The following CELF2 variants were observed in gnomAD, a reference collection of about 807,000 sequenced individuals.
CELF2 encodes the protein CUG triplet repeat RNA-binding protein 2.
Under a neutral mutation model 62.6 loss-of-function variants are expected in CELF2, and 8 were observed. That is an observed-to-expected ratio of 0.13 (90% CI 0.07 to 0.23). The LOEUF is 0.23. Among genes scored for constraint, CELF2 ranks in the 10% least tolerant of loss-of-function variants. The pLI is 1.00. For synonymous variants in CELF2, 258 were observed against 250.0 expected (o/e 1.03, Z -0.30); for missense variants, 333 against 671.0 (o/e 0.50, Z 5.56).
At chr10:10,721,441 A>G in the CELF2 span, among the ~76,000 whole-genome samples, 8 of 152,210 alleles carry the variant, frequency 5.3e-5, no homozygotes, top group African/African-American at 1.7e-4. Flanking sequence ...CAAAGCTACT[A>G]TTTGTTCTCT....
At position 11,270,701 on chromosome 10, in the gene CELF2, C is replaced by A; in HGVS notation, c.654C>A (p.Asp218Glu). 6.5e-7 allele frequency: 1 copy of A among 1,547,998 alleles called. No homozygotes were observed. The highest frequency in any genetic ancestry group is 1.2e-5 in the South Asian group (1 of 82,648). ...CACCTATCGTGGTGAAGTTTGCTGA[C>A]ACTCAGAAGGACAAAGAGCAAAGGC... is the stretch of plus-strand genomic sequence containing the variant. ...CSSPIVVKFA[D>E]TQKDKEQRRL... is the part of the protein sequence containing the mutation. The change falls in exon 7 of 13, where the codon GAC becomes GAA. Residue 218 changes from aspartate to glutamate, a missense_variant. Asp to Glu is a conservative substitution (Grantham distance 45). This residue lies in a region of CELF2 where 253 missense variants were observed against 503.0 expected (regional missense o/e 0.50). Coordinates refer to ENST00000633077, the MANE Select transcript of CELF2 (RefSeq NM_001326342.2). This position sits in a 1 kb window ranked among gnomAD's most constrained non-coding sequence, Gnocchi z 5.8.
chr10:11,045,120 G>T (rs573379411), intron 1 of CELF2, among the ~76,000 whole-genome samples: 7 of 152,264 alleles, frequency 4.6e-5, no homozygotes, highest in African/African-American at 1.7e-4. Context: ...CTTGTGTTCC[G>T]CAGTCAGGAT....
At chr10:10,801,526 G>C (rs1027749522) in intron 1 of CELF2, among the ~76,000 whole-genome samples, 2 of 152,148 alleles carry the variant, frequency 1.3e-5, no homozygotes, top group Admixed American at 6.5e-5. Context: ...CACATAGCAC[G>C]GTTGTTAGCA....
At chr10:11,081,655 GAT>G (rs1282147483) in intron 1 of CELF2, among the ~76,000 whole-genome samples, 6 of 152,226 alleles carry the variant, frequency 3.9e-5, no homozygotes, top group Non-Finnish European at 8.8e-5. Context: ...TCTCATGGGA[GAT>G]GGATTTAGAA....
chr10:10,566,571 C>T, the CELF2 span, among the ~76,000 whole-genome samples: 1 of 134,482 alleles, frequency 7.4e-6, no homozygotes, highest in Non-Finnish European at 1.6e-5. Context: ...CTCCCCCCTC[C>T]CCCGACCCCA....
the CELF2 span, among the ~76,000 whole-genome samples, chr10:10,490,851 G>A: frequency 6.6e-6 from 1 of 152,084 alleles, no homozygotes; most frequent in South Asian, 2.1e-4. Context: ...GGCTACTTGG[G>A]ATTAAAGACA....
intron 1 of CELF2, among the ~76,000 whole-genome samples, chr10:11,134,872 C>A (rs1747720): frequency 6.6e-6 from 1 of 152,066 alleles, no homozygotes; most frequent in Non-Finnish European, 1.5e-5. Context: ...ACGTGTCTAT[C>A]TTTCTGATTG....
At chr10:10,729,167 G>C in the CELF2 span, among the ~76,000 whole-genome samples, 1 of 152,184 alleles carries the variant, frequency 6.6e-6, no homozygotes, top group Admixed American at 6.5e-5. Flanking sequence ...GAGAGGACCA[G>C]ATAAAAATAC....
chr10:11,014,854 G>C (rs1436954773), upstream of CELF2, among the ~76,000 whole-genome samples: 1 of 152,168 alleles, frequency 6.6e-6, no homozygotes, highest in East Asian at 1.9e-4. Flanking sequence ...AAAAAAAGGA[G>C]ACAATTAGGG....
chr10:11,060,115 T>G (rs1350795519), intron 1 of CELF2, among the ~76,000 whole-genome samples: 1 of 152,194 alleles, frequency 6.6e-6, no homozygotes, highest in East Asian at 1.9e-4. Context: ...TTACAGTATT[T>G]GAAGAGTTGA....
At chr10:11,181,133 G>C (rs955170421) in intron 2 of CELF2, among the ~76,000 whole-genome samples, 32 of 152,300 alleles carry the variant, frequency 2.1e-4, no homozygotes, top group African/African-American at 7.5e-4. Flanking sequence ...GCCTCCCAAA[G>C]TGCTGGGATT....
At chr10:11,204,059 G>A (rs1328113368) in intron 2 of CELF2, among the ~76,000 whole-genome samples, 1 of 152,156 alleles carries the variant, frequency 6.6e-6, no homozygotes, top group Non-Finnish European at 1.5e-5. Context: ...TTCTTCTTTT[G>A]TCCCAGAATC....
At chr10:10,794,237 G>C (rs114941014), upstream of CELF2, among the ~76,000 whole-genome samples, 378 of 152,202 alleles carry the variant, frequency 2.5e-3, 2 homozygotes, top group African/African-American at 8.8e-3. Context: ...ACGTTAACAA[G>C]ATCGGGAAAT....
At chr10:10,688,183 C>G in the CELF2 span, among the ~76,000 whole-genome samples, 1 of 152,302 alleles carries the variant, frequency 6.6e-6, no homozygotes, top group Admixed American at 6.5e-5. Context: ...AGCCGATGGA[C>G]TAAGTTCTGT....
chr10:11,079,915 G>A (rs1401897355), intron 1 of CELF2, among the ~76,000 whole-genome samples: 3 of 152,166 alleles, frequency 2.0e-5, no homozygotes, highest in Non-Finnish European at 4.4e-5. Context: ...TGTACTGCAA[G>A]ATGACTTTGG....
intron 2 of CELF2, among the ~76,000 whole-genome samples, chr10:10,971,378 AT>A (rs1291428937): frequency 6.6e-6 from 1 of 151,926 alleles, no homozygotes; most frequent in African/African-American, 2.4e-5. Flanking sequence ...CACCTTATAC[AT>A]TTTTGGCTCT....
At chr10:10,736,030 A>T in the CELF2 span, among the ~76,000 whole-genome samples, 1 of 152,214 alleles carries the variant, frequency 6.6e-6, no homozygotes, top group Admixed American at 6.5e-5. Context: ...AATGGATTTA[A>T]TTCTTCCCAT....
At chr10:10,902,387 T>C (rs971152213) in intron 1 of CELF2, among the ~76,000 whole-genome samples, 2 of 152,232 alleles carry the variant, frequency 1.3e-5, no homozygotes, top group Non-Finnish European at 2.9e-5. Flanking sequence ...CATGGTCTAC[T>C]CATACAATTG....
chr10:11,236,098 A>C (rs1289551354), intron 3 of CELF2, among the ~76,000 whole-genome samples: 1 of 152,266 alleles, frequency 6.6e-6, no homozygotes, highest in Non-Finnish European at 1.5e-5. Flanking sequence ...ACTAATTAAT[A>C]AACGTGGCTG....
Sources: allele counts gnomAD v4.1 joint callset (sites outside exome capture counted in the v4.1 genomes callset), GRCh38; gene constraint gnomAD v4.1.1; regional missense constraint gnomAD v4.1.1; non-coding constraint Gnocchi (gnomAD v3.1); transcripts MANE v1.5; gene names NCBI Gene and HGNC (gene_info 2026-07-23, HGNC 2026-07-21).